The following ITCH variants were observed in gnomAD, a reference collection of about 807,000 sequenced individuals.
ITCH encodes E3 ubiquitin-protein ligase Itchy homolog.
A neutral mutation model predicts 126.8 loss-of-function variants in ITCH; 28 were observed. The observed-to-expected ratio is 0.22, with a 90% CI of 0.16 to 0.30. ITCH has a LOEUF of 0.30. ITCH is among the 10% of genes least tolerant of loss of function. The pLI, the probability that ITCH is intolerant of heterozygous loss-of-function variation, is 1.00. For synonymous variants in ITCH, 342 were observed against 340.0 expected (o/e 1.01, Z -0.06); for missense variants, 631 against 1,032.4 (o/e 0.61, Z 5.33).
intron 16 of ITCH, among the ~76,000 whole-genome samples, chr20:34,475,467 AC>A (rs1212199045): frequency 6.6e-6 from 1 of 152,232 alleles, no homozygotes; most frequent in Non-Finnish European, 1.5e-5. Context: ...GGCCCGGCCA[AC>A]ACATCGAAAT....
rs571607083 is a variant in ITCH at position 34,483,646 on chromosome 20, C to G, written c.2093+2440C>G. 4.6e-5 allele frequency among the ~76,000 whole-genome samples: 7 copies of G among 152,316 alleles called. No individual in the cohort carries two copies. The East Asian group carries it at 1.4e-3, about 29-fold the overall frequency. On this transcript the variant is annotated intron_variant, in intron 20 of 24. Transcript: ENST00000374864. ...TGTCAGCATTTTGGTCAAAGCCATT[C>G]AACAAGTCTATAGGAAGTTCCAAAC...
At chr20:34,389,608 G>C (rs2038413173) in intron 2 of ITCH, among the ~76,000 whole-genome samples, 1 of 152,078 alleles carries the variant, frequency 6.6e-6, no homozygotes, top group Non-Finnish European at 1.5e-5. Flanking sequence ...AACATATTCA[G>C]TAGAAACTTA....
At chr20:34,460,792 A>G (rs1986434520) in intron 13 of ITCH, among the ~76,000 whole-genome samples, 1 of 152,182 alleles carries the variant, frequency 6.6e-6, no homozygotes, top group African/African-American at 2.4e-5. Context: ...AGGCCAAAAT[A>G]GGAGGATCAC....
intron 20 of ITCH, among the ~76,000 whole-genome samples, chr20:34,484,898 CT>C (rs1488084106): frequency 5.3e-5 from 8 of 151,938 alleles, no homozygotes; most frequent in African/African-American, 1.7e-4. Context: ...AATTGTGGAA[CT>C]TTTTTTTCTA....
At chr20:34,445,257 CTTG>C (rs1984294687) in intron 10 of ITCH, 27 bp from the exon 11 acceptor site, 7 of 1,207,962 alleles carry the variant, frequency 5.8e-6, no homozygotes, top group Non-Finnish European at 7.1e-6. Flanking sequence ...GTTGAATTAG[CTTG>C]TTTTTTTTTT....
intron 1 of ITCH, among the ~76,000 whole-genome samples, chr20:34,364,835 G>A: frequency 6.9e-6 from 1 of 145,556 alleles, no homozygotes; most frequent in East Asian, 2.0e-4. Flanking sequence ...AGGCTGCAGT[G>A]AGCCGAGATC....
At chr20:34,430,091 G>T (rs959269052) in intron 7 of ITCH, among the ~76,000 whole-genome samples, 1 of 152,148 alleles carries the variant, frequency 6.6e-6, no homozygotes, top group Non-Finnish European at 1.5e-5. Flanking sequence ...ATATTTATTT[G>T]CCTTTATATG....
At chr20:34,489,436 T>G (rs1290948549) in intron 21 of ITCH, 50 bp downstream of exon 21, 1 of 1,553,010 alleles carries the variant, frequency 6.4e-7, no homozygotes, top group African/African-American at 1.4e-5. Context: ...AATAATGCCT[T>G]AAGTTGTCTG....
At chr20:34,367,020 A>G (rs1475368583) in intron 1 of ITCH, among the ~76,000 whole-genome samples, 1 of 152,142 alleles carries the variant, frequency 6.6e-6, no homozygotes, top group Non-Finnish European at 1.5e-5. Context: ...AATCTGGGTA[A>G]AGGGCTCCTT....
chr20:34,500,276 A>G (rs1436584942), intron 23 of ITCH, among the ~76,000 whole-genome samples: 3 of 152,218 alleles, frequency 2.0e-5, no homozygotes, highest in Non-Finnish European at 4.4e-5. Flanking sequence ...AAGAGTGGAT[A>G]TTGAAGTCCC....
intron 23 of ITCH, among the ~76,000 whole-genome samples, chr20:34,495,198 G>A (rs1017424658): frequency 2.7e-5 from 4 of 150,496 alleles, no homozygotes; most frequent in South Asian, 2.1e-4. Context: ...CTGGGAGGCA[G>A]AGGTTGCAGT....
intron 23 of ITCH, among the ~76,000 whole-genome samples, chr20:34,496,698 G>A (rs1470916665): frequency 1.3e-5 from 2 of 151,482 alleles, no homozygotes; most frequent in Non-Finnish European, 2.9e-5. Flanking sequence ...AACTACTCAG[G>A]AGGCTGAGGC....
intron 23 of ITCH, among the ~76,000 whole-genome samples, chr20:34,494,590 T>A: frequency 6.6e-6 from 1 of 152,206 alleles, no homozygotes; most frequent in East Asian, 1.9e-4. Flanking sequence ...ATTGGGGTAA[T>A]TAGGATATCC....
chr20:34,509,576 T>TA lies in ITCH; in HGVS notation c.*1785dup, dbSNP rs1459690939. On this transcript the variant is annotated 3_prime_UTR_variant, in exon 25 of 25. Transcript: ENST00000374864. ...GGTTGCCTCATCAAGCAGCTCAGTGTAAATGGGGAGGCTAGGCTCTCCCCA... is the reference window on the plus strand; with the variant it reads ...GGTTGCCTCATCAAGCAGCTCAGTGTAAAATGGGGAGGCTAGGCTCTCCCCA... 1.3e-5 allele frequency: 2 copies of TA among 152,624 alleles called. No individual in the cohort carries two copies. Among genetic ancestry groups the TA allele is most frequent in the Non-Finnish European group, 1.5e-5 (1 of 68,040 alleles). The allele number at this position is 152,624 out of a possible 1,614,324, so 9.5% of individuals were successfully genotyped here. A position where few individuals can be genotyped will look rare whatever the true frequency, so the allele number is the denominator to read the frequency against.
At chr20:34,414,432 C>T (rs1207824530) in intron 6 of ITCH, among the ~76,000 whole-genome samples, 1 of 135,464 alleles carries the variant, frequency 7.4e-6, no homozygotes, top group African/African-American at 2.7e-5. Flanking sequence ...CAGTGTGGGG[C>T]TGAGTTTAAA....
chr20:34,392,549 A>G (rs546709866), intron 2 of ITCH, among the ~76,000 whole-genome samples: 2 of 152,314 alleles, frequency 1.3e-5, no homozygotes, highest in East Asian at 3.9e-4. Context: ...ATTGTTTTAT[A>G]TTTAAACTTT....
At chr20:34,481,677 A>G (rs912661612) in intron 20 of ITCH, among the ~76,000 whole-genome samples, 5 of 152,170 alleles carry the variant, frequency 3.3e-5, no homozygotes, top group African/African-American at 1.2e-4. Flanking sequence ...GGATGGCAGC[A>G]GGCAAAGAGA....
intron 2 of ITCH, among the ~76,000 whole-genome samples, chr20:34,379,884 A>G (rs1210311920): frequency 7.3e-6 from 1 of 136,454 alleles, no homozygotes; most frequent in East Asian, 2.2e-4. Context: ...GGCGTGAACC[A>G]CTGCACCCGG....
chr20:34,464,749 C>T (rs531156336), intron 14 of ITCH, among the ~76,000 whole-genome samples: 5 of 151,816 alleles, frequency 3.3e-5, no homozygotes, highest in African/African-American at 7.2e-5. Context: ...CTCACTCTGT[C>T]GCCCAGGCTG....
Sources: gnomAD v4.1 joint callset for allele counts (sites outside exome capture counted in the v4.1 genomes callset) on GRCh38, gnomAD v4.1.1 for gene constraint, MANE v1.5 for transcripts, NCBI Gene and HGNC (gene_info 2026-07-23, HGNC 2026-07-21) for gene names.